Variants in ARHGAP6 observed in about 807,000 individuals in gnomAD.
ARHGAP6 encodes the protein Rho GTPase activating protein 6, also known as rho GTPase-activating protein 6.
ARHGAP6 carries 16 observed loss-of-function variants against 55.7 expected under a neutral mutation model. That is an observed-to-expected ratio of 0.29 (90% CI 0.19 to 0.44). The LOEUF (loss-of-function observed/expected upper bound fraction) is 0.44. Ranked by LOEUF, ARHGAP6 falls within the 20% of genes least tolerant of loss-of-function variation. The pLI, the probability that ARHGAP6 is intolerant of heterozygous loss-of-function variation, is 1.00. For synonymous variants in ARHGAP6, 382 were observed against 360.9 expected, an observed-to-expected ratio of 1.06 and a Z score of -0.66; for missense variants, 698 against 808.9, an observed-to-expected ratio of 0.86 and a Z score of 1.66.
At chrX:11,337,990 G>A (rs2048660514) in intron 1 of ARHGAP6, among the ~76,000 whole-genome samples, 1 of 111,200 alleles carries the variant, frequency 9.0e-6, no homozygotes, top group African/African-American at 3.3e-5. Flanking sequence ...TGGCTTTCTA[G>A]CAACCCACTC....
At chrX:11,328,245 C>T (rs768817549) in intron 1 of ARHGAP6, among the ~76,000 whole-genome samples, 3 of 111,857 alleles carry the variant, frequency 2.7e-5, no homozygotes, top group Non-Finnish European at 5.6e-5. Context: ...TTATTCTGTA[C>T]AGGAGATACA....
intron 1 of ARHGAP6, among the ~76,000 whole-genome samples, chrX:11,411,724 G>A (rs1018496914): frequency 9.0e-6 from 1 of 111,367 alleles, no homozygotes; most frequent in Non-Finnish European, 1.9e-5. Flanking sequence ...CATTACTAAC[G>A]TATTTCAAGT....
At chrX:11,219,352 G>A (rs1308368560) in intron 2 of ARHGAP6, among the ~76,000 whole-genome samples, 1 of 102,598 alleles carries the variant, frequency 9.7e-6, no homozygotes, top group South Asian at 4.4e-4. Flanking sequence ...AAACATACGT[G>A]TGCATGTGTC....
chrX:11,285,553 A>G (rs2047912089), intron 1 of ARHGAP6, among the ~76,000 whole-genome samples: 1 of 112,231 alleles, frequency 8.9e-6, no homozygotes, highest in South Asian at 3.7e-4. Context: ...TAACAATGCC[A>G]TACACAGGGC....
chrX:11,190,996 T>G (rs150906220), intron 3 of ARHGAP6, among the ~76,000 whole-genome samples: 1,341 of 112,843 alleles, frequency 0.012, 19 homozygotes, highest in African/African-American at 0.042. Flanking sequence ...TGCCTCTCCC[T>G]GGTTCCCATG....
At chrX:11,646,982 T>A (rs1304411416) in intron 1 of ARHGAP6, among the ~76,000 whole-genome samples, 1 of 111,985 alleles carries the variant, frequency 8.9e-6, no homozygotes, top group Non-Finnish European at 1.9e-5. Flanking sequence ...TTTTTGTCAA[T>A]CAAGAGAAAT....
At chrX:11,348,194 A>C (rs1236668321) in intron 1 of ARHGAP6, among the ~76,000 whole-genome samples, 1 of 111,153 alleles carries the variant, frequency 9.0e-6, no homozygotes, top group Non-Finnish European at 1.9e-5. Flanking sequence ...CAACTCAGAC[A>C]CTCCTCAATT....
At chrX:11,400,326 G>C (rs1424940042) in intron 1 of ARHGAP6, among the ~76,000 whole-genome samples, 2 of 110,759 alleles carry the variant, frequency 1.8e-5, no homozygotes, top group African/African-American at 6.6e-5. Flanking sequence ...AGGCTTCCAG[G>C]GGGAGGGGAT....
intron 1 of ARHGAP6, among the ~76,000 whole-genome samples, chrX:11,413,099 G>A (rs1267991031): frequency 8.9e-6 from 1 of 111,973 alleles, no homozygotes. Flanking sequence ...TCCACCCTCA[G>A]AGACATTTTC....
chrX:11,262,778 T>A (rs1013189164), intron 1 of ARHGAP6, among the ~76,000 whole-genome samples: 1 of 111,567 alleles, frequency 9.0e-6, no homozygotes, highest in African/African-American at 3.3e-5. Flanking sequence ...TGAGTCTCAC[T>A]GGCATGGTGG....
intron 1 of ARHGAP6, among the ~76,000 whole-genome samples, chrX:11,344,332 C>A (rs112028688): frequency 9.0e-6 from 1 of 110,820 alleles, no homozygotes; most frequent in Admixed American, 9.6e-5. Context: ...AACCACTGGT[C>A]GGTCCATTGG....
intron 1 of ARHGAP6, among the ~76,000 whole-genome samples, chrX:11,637,718 A>T (rs2052432903): frequency 9.1e-6 from 1 of 110,393 alleles, no homozygotes; most frequent in Non-Finnish European, 1.9e-5. Context: ...ATTTTTCAGT[A>T]ATTGATTTTA....
chrX:11,183,641 T>C (rs1385898355), intron 5 of ARHGAP6, among the ~76,000 whole-genome samples: 1 of 111,900 alleles, frequency 8.9e-6, no homozygotes, highest in African/African-American at 3.2e-5. Flanking sequence ...TGTCTCCTTT[T>C]TCCTTATAAT....
chrX:11,141,150 G>GAAT (rs1170855789), intron 12 of ARHGAP6, among the ~76,000 whole-genome samples: 2 of 110,410 alleles, frequency 1.8e-5, no homozygotes, highest in Non-Finnish European at 3.8e-5. Flanking sequence ...ATGAGAAAGG[G>GAAT]AATATAAATA....
intron 1 of ARHGAP6, among the ~76,000 whole-genome samples, chrX:11,364,378 A>G (rs1387985407): frequency 9.0e-6 from 1 of 111,081 alleles, no homozygotes; most frequent in African/African-American, 3.3e-5. Flanking sequence ...AAAAAAAGAA[A>G]TTACTTTTCC....
intron 1 of ARHGAP6, among the ~76,000 whole-genome samples, chrX:11,604,424 T>C (rs1243686894): frequency 8.9e-6 from 1 of 111,845 alleles, no homozygotes; most frequent in Non-Finnish European, 1.9e-5. Flanking sequence ...TGCCACATAG[T>C]GGCTCAAGTT....
chrX:11,664,595 G>A lies in ARHGAP6; in HGVS notation c.234C>T (p.Arg78=), dbSNP rs2052735175. 5 of 1,176,242 alleles carry A rather than the reference G, an allele frequency of 4.3e-6. No individual in the cohort carries two copies. The South Asian group carries it at 9.4e-5, about 22-fold the overall frequency. ...GCGGACCCCGGGAAGAGGACGCCAAGCGAGGGCCGAGACTCTCGGCTGGGA... is the reference window on the plus strand; with the variant it reads ...GCGGACCCCGGGAAGAGGACGCCAAACGAGGGCCGAGACTCTCGGCTGGGA... ...PSLPAESLGP[R]LASSSRGPPP... Residue 78 remains arginine, a synonymous_variant, in exon 1 of 13, where the codon CGC becomes CGT. Transcript: ENST00000337414.
chrX:11,164,968 A>G (rs1393881658), intron 9 of ARHGAP6, among the ~76,000 whole-genome samples: 1 of 112,043 alleles, frequency 8.9e-6, no homozygotes, highest in Non-Finnish European at 1.9e-5. Context: ...TGGTTAGGAT[A>G]ATACCAATGA....
At chrX:11,476,834 T>C (rs1048654172) in intron 1 of ARHGAP6, among the ~76,000 whole-genome samples, 7 of 111,613 alleles carry the variant, frequency 6.3e-5, no homozygotes, top group African/African-American at 1.3e-4. Context: ...AAATGAATCA[T>C]AGACCTAAAT....
Sources: allele counts gnomAD v4.1 joint callset (sites outside exome capture counted in the v4.1 genomes callset), GRCh38; gene constraint gnomAD v4.1.1; transcripts MANE v1.5; gene names NCBI Gene and HGNC (gene_info 2026-07-23, HGNC 2026-07-21).